STRBP: variants seen among roughly 807,000 people sequenced by gnomAD.
STRBP encodes spermatid perinuclear RNA-binding protein.
STRBP carries 13 observed loss-of-function variants against 80.1 expected under a neutral mutation model. The observed-to-expected ratio is 0.16, with a 90% CI of 0.11 to 0.26. The LOEUF is 0.26. Among genes scored for constraint, STRBP ranks in the 10% least tolerant of loss-of-function variants. STRBP has a pLI of 1.00. For synonymous variants in STRBP, 284 were observed against 291.2 expected, an observed-to-expected ratio of 0.98 and a Z score of 0.25; for missense variants, 485 against 815.2, an observed-to-expected ratio of 0.59 and a Z score of 4.93.
In STRBP at chr9:123,184,218, A is replaced by C; in HGVS notation, c.-84T>G. The C allele has an allele frequency of 7.2e-7, 1 of 1,393,880 alleles. No individual in the cohort carries two copies. The highest frequency in any genetic ancestry group is 1.4e-5 in the African/African-American group (1 of 70,130). 86.3% of individuals were successfully genotyped at this position (1,393,880 alleles called of 1,614,324 possible). ...TCACTAGACACTGTTTTGTGTAACA[A>C]TACCTCCTCATAAGCCTGAGTCCCC... On this transcript the variant is annotated 5_prime_UTR_variant, in exon 3 of 19. The change creates a premature stop within an existing upstream ORF in the 5' untranslated region. Coordinates refer to ENST00000348403, the MANE Select transcript of STRBP (RefSeq NM_018387.5).
chr9:123,123,628 T>A lies in STRBP; in HGVS notation c.*1969A>T, dbSNP rs2035799613. 3.0e-6 allele frequency: 3 copies of A among 984,846 alleles called. No individual in the cohort carries two copies. Among genetic ancestry groups the A allele is most frequent in the Non-Finnish European group, 3.6e-6 (3 of 829,814 alleles). 61.0% of individuals were successfully genotyped at this position (984,846 alleles called of 1,614,324 possible). A position where few individuals can be genotyped will look rare whatever the true frequency, so the allele number is the denominator to read the frequency against. Reference sequence around the variant, plus strand: ...TCCCTTTTCACCATTACAGAGCGCGTGAGTTATGAAGCAGAGTCAGCTACT... The same window carrying A: ...TCCCTTTTCACCATTACAGAGCGCGAGAGTTATGAAGCAGAGTCAGCTACT... On this transcript the variant is annotated 3_prime_UTR_variant, in exon 19 of 19. Transcript: ENST00000348403.
chr9:123,175,665 T>G (rs1192790567), intron 4 of STRBP, among the ~76,000 whole-genome samples: 2 of 152,234 alleles, frequency 1.3e-5, no homozygotes, highest in Non-Finnish European at 2.9e-5. Flanking sequence ...TGTCCTCTCA[T>G]TCTTCCAAGT....
rs772994010 is a variant in STRBP, at chr9:123,169,888, A to G, written c.535+14T>C. ...CAAATATATACATATATATATATAT[A>G]TATACATGTGTACCTCCATCCTTCT... On this transcript the variant is annotated intron_variant, in intron 6 of 18. Transcript: ENST00000348403. 1.7e-4 allele frequency: 235 copies of G among 1,397,670 alleles called. 3 individuals carry two copies. Among genetic ancestry groups the G allele is most frequent in the Non-Finnish European group, 2.1e-4 (223 of 1,057,282 alleles). 86.6% of individuals were successfully genotyped at this position (1,397,670 alleles called of 1,614,324 possible).
intron 1 of STRBP, 115 bp from the exon 2 acceptor site, chr9:123,237,081 G>A (rs1175860104): frequency 6.6e-6 from 1 of 152,280 alleles, no homozygotes; most frequent in Non-Finnish European, 1.5e-5. Context: ...TTGTAGTACA[G>A]AGCCGAGATT....
At chr9:123,172,392 C>T (rs900942147) in intron 5 of STRBP, among the ~76,000 whole-genome samples, 5 of 152,112 alleles carry the variant, frequency 3.3e-5, no homozygotes, top group Admixed American at 3.3e-4. Flanking sequence ...AGCCAGAAAG[C>T]CCATTAATTA....
intron 11 of STRBP, among the ~76,000 whole-genome samples, chr9:123,155,872 G>A (rs1486258692): frequency 6.6e-5 from 10 of 151,694 alleles, no homozygotes; most frequent in South Asian, 2.1e-4. Flanking sequence ...AAGTTTAAAC[G>A]TGAATGTCAG....
Position 123,132,920 on chromosome 9 carries a change from G to A in STRBP, c.1822C>T (p.Arg608Trp), listed in dbSNP as rs893218260. 1.9e-6 allele frequency: 3 copies of A among 1,614,042 alleles called. No individual in the cohort carries two copies. The highest frequency in any genetic ancestry group is 2.5e-6 in the Non-Finnish European group (3 of 1,179,966). ...TAVSAAVQAV[R>W]GRGRGTLTRG... ...GTTAGAGTTCCTCTTCCTCTGCCCC[G>A]AACAGCTTGGACTGCTGCAGACACA... Residue 608 changes from arginine to tryptophan, a missense_variant, in exon 17 of 19, where the codon CGG becomes TGG. This residue lies in a region of STRBP where 85 missense variants were observed against 120.1 expected (regional missense o/e 0.71). Transcript: ENST00000348403.
chr9:123,165,731 TC>T (rs2037728379), intron 6 of STRBP, among the ~76,000 whole-genome samples: 2 of 152,150 alleles, frequency 1.3e-5, no homozygotes, highest in Non-Finnish European at 2.9e-5. Context: ...CATGCAGTAA[TC>T]CTAGACAATA....
chr9:123,115,304 C>T lies in STRBP; in HGVS notation c.*84+625G>A, dbSNP rs750467719. On this transcript the variant is annotated intron_variant and NMD_transcript_variant, in intron 3 of 3. Coordinates refer to the STRBP transcript ENST00000471564. This position sits in a 1 kb window ranked among gnomAD's most constrained non-coding sequence, Gnocchi z 5.0. Reference sequence around the variant, plus strand: ...CTCTTGGTAAATTACTCAGTAAGCACTTCTCTCCTGAGGCCTGGCTCCTCT... The same window carrying T: ...CTCTTGGTAAATTACTCAGTAAGCATTTCTCTCCTGAGGCCTGGCTCCTCT... 3 of 471,156 alleles carry T rather than the reference C, an allele frequency of 6.4e-6. No individual in the cohort carries two copies. The highest frequency in any genetic ancestry group is 4.6e-5 in the South Asian group (3 of 64,564). The allele number at this position is 471,156 out of a possible 1,614,324, so 29.2% of individuals were successfully genotyped here.
At chr9:123,109,859 T>A (rs886910925) in intron 3 of STRBP, 11 of 152,330 alleles carry the variant, frequency 7.2e-5, no homozygotes, top group African/African-American at 2.4e-4. Flanking sequence ...ATACACAAAG[T>A]TATTGCCAAG....
intron 2 of STRBP, among the ~76,000 whole-genome samples, chr9:123,218,858 C>G (rs1313758535): frequency 6.6e-6 from 1 of 151,998 alleles, no homozygotes; most frequent in African/African-American, 2.4e-5. Context: ...TAAAATGATG[C>G]CTCACATTTA....
At chr9:123,261,984 C>T (rs888411839) in intron 1 of STRBP, among the ~76,000 whole-genome samples, 3 of 152,158 alleles carry the variant, frequency 2.0e-5, no homozygotes, top group African/African-American at 7.2e-5. Flanking sequence ...AATGAACTGC[C>T]TCCATCTTAA....
intron 3 of STRBP, chr9:123,111,804 C>G (rs2132273002): frequency 3.3e-6 from 1 of 307,272 alleles, no homozygotes; most frequent in Non-Finnish European, 6.7e-6. Context: ...AGAGCTGTAC[C>G]ATAAGAGCCT....
At chr9:123,170,778 T>A (rs1482872908) in intron 5 of STRBP, among the ~76,000 whole-genome samples, 1 of 152,154 alleles carries the variant, frequency 6.6e-6, no homozygotes, top group Non-Finnish European at 1.5e-5. Context: ...ATATATTAAG[T>A]TATGCTTAAT....
At chr9:123,248,505 C>T (rs1226321808) in intron 1 of STRBP, among the ~76,000 whole-genome samples, 1 of 151,820 alleles carries the variant, frequency 6.6e-6, no homozygotes, top group East Asian at 1.9e-4. Context: ...CTCCTGACCT[C>T]GTGTTCCGCC....
chr9:123,173,499 A>T (rs2038094248), intron 5 of STRBP, among the ~76,000 whole-genome samples, 178 bp downstream of exon 5: 1 of 152,176 alleles, frequency 6.6e-6, no homozygotes, highest in African/African-American at 2.4e-5. Context: ...CTGAGTACAA[A>T]TCACCAGAAG....
chr9:123,234,002 C>T (rs1347843774), intron 2 of STRBP, among the ~76,000 whole-genome samples: 1 of 151,940 alleles, frequency 6.6e-6, no homozygotes, highest in African/African-American at 2.4e-5. Context: ...AGATTGAGAC[C>T]ATCCTGGCTA....
At chr9:123,208,110 CTG>C (rs1000029776) in intron 2 of STRBP, among the ~76,000 whole-genome samples, 2 of 150,240 alleles carry the variant, frequency 1.3e-5, no homozygotes, top group Non-Finnish European at 3.0e-5. Flanking sequence ...TCAAAGAAGA[CTG>C]TAAGTTTTTT....
intron 11 of STRBP, among the ~76,000 whole-genome samples, chr9:123,156,660 A>G (rs1325060488): frequency 6.6e-6 from 1 of 151,650 alleles, no homozygotes; most frequent in African/African-American, 2.4e-5. Flanking sequence ...CACTTAGGAA[A>G]GAAAGAGAGA....
Sources: gnomAD v4.1 joint callset for allele counts (sites outside exome capture counted in the v4.1 genomes callset) on GRCh38, gnomAD v4.1.1 for gene constraint, gnomAD v4.1.1 regional missense constraint, Gnocchi (gnomAD v3.1) non-coding constraint, MANE v1.5 for transcripts, NCBI Gene and HGNC (gene_info 2026-07-23, HGNC 2026-07-21) for gene names.